Variants in CFAP91 observed in about 807,000 individuals in gnomAD.
CFAP91 encodes the protein cilia- and flagella-associated protein 91.
Under a neutral mutation model 95.9 loss-of-function variants are expected in CFAP91, and 85 were observed. That is an observed-to-expected ratio of 0.89 (90% confidence interval 0.74 to 1.06). The LOEUF is 1.06. Among genes scored for constraint, CFAP91 ranks in the 50% least tolerant of loss-of-function variants. The pLI, the probability that CFAP91 is intolerant of heterozygous loss-of-function variation, is 0.00. For missense variants in CFAP91, 962 were observed against 943.4 expected, an observed-to-expected ratio of 1.02 and a Z score of -0.26; for synonymous variants, 335 against 327.5, an observed-to-expected ratio of 1.02 and a Z score of -0.25.
Position 119,715,707 on chromosome 3 carries a change from A to G in CFAP91, c.646A>G (p.Ile216Val), listed in dbSNP as rs568392472. 8.1e-6 allele frequency: 13 copies of G among 1,614,124 alleles called. No individual in the cohort carries two copies. The highest frequency in any genetic ancestry group is 2.2e-5 in the South Asian group (2 of 91,076). ...AGAATATGTAGTATGTCAGGACTCA[A>G]TCCCTGAGCTCTTGACCCTGGCTAC... Reference protein sequence around the residue: ...SAEYVVCQDSIPELLTLATLT... With the variant: ...SAEYVVCQDSVPELLTLATLT... The change falls in exon 6 of 18, where the codon ATC becomes GTC. Residue 216 changes from isoleucine (I) to valine (V), a missense_variant. Physicochemically the swap from Ile to Val is conservative, Grantham distance 29. Coordinates refer to ENST00000273390, the MANE Select transcript of CFAP91 (RefSeq NM_033364.4).
Position 119,703,163 on chromosome 3 carries a change from G to A in CFAP91, c.65G>A (p.Arg22Gln), listed in dbSNP as rs748598993. ...AQPQVSQTRY[R>Q]ERSRAGSHIS... ...CCGCAGGTGTCTCAAACTCGGTACC[G>A]GGAGAGGTCGCGGGCTGGGAGCCAC... Residue 22 changes from arginine (R) to glutamine (Q), a missense_variant, in exon 1 of 18, where the codon CGG (arginine) becomes CAG (glutamine). Arg to Gln is a conservative substitution (Grantham distance 43, BLOSUM62 1). Transcript: ENST00000273390. The A allele has an allele frequency of 1.5e-5, 24 of 1,605,538 alleles. No individual in the cohort carries two copies. The highest frequency in any genetic ancestry group is 1.7e-4 in the Middle Eastern group (1 of 5,964).
intron 6 of CFAP91, among the ~76,000 whole-genome samples, chr3:119,722,753 A>G (rs543539347): frequency 2.7e-4 from 41 of 152,048 alleles, no homozygotes; most frequent in Admixed American, 7.9e-4. Flanking sequence ...CTCGGCCTCC[A>G]AAAGTGCTGG....
Position 119,730,034 on chromosome 3 carries a change from G to T in CFAP91, c.861-186G>T, listed in dbSNP as rs548596235. Among the ~76,000 whole-genome samples, 5 of 152,184 alleles carry T rather than the reference G, an allele frequency of 3.3e-5. No homozygotes were observed. In the South Asian group the frequency reaches 1.0e-3, roughly 32 times the overall value. Reference sequence around the variant, plus strand: ...CACCCATATATATTCCTATTATATAGAGAGTCTCTATTGAGTTGCCTCCCC... The same window carrying T: ...CACCCATATATATTCCTATTATATATAGAGTCTCTATTGAGTTGCCTCCCC... On this transcript the variant is annotated intron_variant, in intron 7 of 17. Transcript: ENST00000273390.
At chr3:119,728,476 G>T (rs1413510091) in intron 7 of CFAP91, among the ~76,000 whole-genome samples, 1 of 152,192 alleles carries the variant, frequency 6.6e-6, no homozygotes, top group African/African-American at 2.4e-5. Context: ...GCAACTTCAT[G>T]AAGAGGGTAC....
intron 8 of CFAP91, among the ~76,000 whole-genome samples, 169 bp downstream of exon 8, chr3:119,730,546 C>T (rs1166994669): frequency 6.6e-6 from 1 of 150,622 alleles, no homozygotes; most frequent in African/African-American, 2.5e-5. Flanking sequence ...GAGGAAATTC[C>T]CTTACTAAGA....
intron 17 of CFAP91, among the ~76,000 whole-genome samples, chr3:119,758,861 C>G (rs1266203944): frequency 1.3e-5 from 2 of 152,040 alleles, no homozygotes; most frequent in Non-Finnish European, 2.9e-5. Context: ...CATTTGCAAT[C>G]AATTTCAATG....
At chr3:119,727,972 A>AC (rs2053816795) in intron 7 of CFAP91, among the ~76,000 whole-genome samples, 1 of 151,942 alleles carries the variant, frequency 6.6e-6, no homozygotes, top group Admixed American at 6.6e-5. Context: ...GCCCCAGTGA[A>AC]CTATAAGGAG....
chr3:119,721,874 C>T (rs2053691497), intron 6 of CFAP91, among the ~76,000 whole-genome samples: 1 of 152,040 alleles, frequency 6.6e-6, no homozygotes, highest in South Asian at 2.1e-4. Flanking sequence ...AGAGAAATAT[C>T]CAATTAGAAA....
intron 7 of CFAP91, among the ~76,000 whole-genome samples, chr3:119,727,103 G>A (rs1180666030): frequency 6.6e-6 from 1 of 152,186 alleles, no homozygotes; most frequent in Admixed American, 6.5e-5. Context: ...CAAAGGAAGG[G>A]CGTTTGCTGA....
rs367681304 is a variant in CFAP91 at position 119,737,435 on chromosome 3, A to G, written c.1414A>G (p.Ile472Val). 113 of 1,611,718 alleles carry G rather than the reference A, an allele frequency of 7.0e-5. 1 individual carries two copies. Among genetic ancestry groups the G allele is most frequent in the East Asian group, 5.1e-4 (23 of 44,758 alleles). The change falls in exon 11 of 18, where the codon ATA (isoleucine) becomes GTA (valine). Residue 472 changes from isoleucine (I) to valine (V), a missense_variant. Coordinates refer to ENST00000273390, the MANE Select transcript of CFAP91 (RefSeq NM_033364.4). Reference sequence around the variant, plus strand: ...CCCTCGCTTCCTTCAAAGAAACCCAATACCTCAACCTCGGCTTCCAACTCC... The same window carrying G: ...CCCTCGCTTCCTTCAAAGAAACCCAGTACCTCAACCTCGGCTTCCAACTCC... ...KPPRFLQRNP[I>V]PQPRLPTPTL...
intron 6 of CFAP91, among the ~76,000 whole-genome samples, chr3:119,723,313 T>G (rs1409181276): frequency 6.6e-6 from 1 of 152,164 alleles, no homozygotes; most frequent in Non-Finnish European, 1.5e-5. Flanking sequence ...TATCCAGAAT[T>G]AAAAATAATC....
At chr3:119,723,479 T>C (rs2053724266) in intron 6 of CFAP91, among the ~76,000 whole-genome samples, 1 of 152,150 alleles carries the variant, frequency 6.6e-6, no homozygotes, top group Non-Finnish European at 1.5e-5. Context: ...TTTGAGAAGA[T>C]AGATAGCTTA....
chr3:119,729,650 A>T (rs1314951079), intron 7 of CFAP91, among the ~76,000 whole-genome samples: 3 of 152,154 alleles, frequency 2.0e-5, no homozygotes, highest in Non-Finnish European at 4.4e-5. Context: ...TCTCAAAAAA[A>T]AAAAAAGAAA....
chr3:119,748,676 T>A (rs1214618070), intron 16 of CFAP91, among the ~76,000 whole-genome samples: 1 of 152,212 alleles, frequency 6.6e-6, no homozygotes, highest in Non-Finnish European at 1.5e-5. Context: ...GGTGGAGTTC[T>A]AACACATTTG....
rs545045197 is a variant in CFAP91 at position 119,732,057 on chromosome 3, C to T, written c.1019-237C>T. 4.6e-5 allele frequency among the ~76,000 whole-genome samples: 7 copies of T among 152,246 alleles called. No individual in the cohort carries two copies. In the East Asian group the frequency reaches 7.7e-4, roughly 17 times the overall value. On this transcript the variant is annotated intron_variant, in intron 8 of 17. Coordinates refer to ENST00000273390, the MANE Select transcript of CFAP91 (RefSeq NM_033364.4). ...GTTATAAAAGATTTTTGACGAGTAC[C>T]GATTGAGGACACTAGCTGATTCTGC...
chr3:119,753,826 C>G (rs934013555), intron 17 of CFAP91, among the ~76,000 whole-genome samples: 1 of 152,222 alleles, frequency 6.6e-6, no homozygotes, highest in South Asian at 2.1e-4. Context: ...ACTCTTCCCC[C>G]CAAGTCCGCA....
At chr3:119,755,518 C>T (rs146630497) in intron 17 of CFAP91, among the ~76,000 whole-genome samples, 75 of 152,300 alleles carry the variant, frequency 4.9e-4, no homozygotes, top group African/African-American at 1.6e-3. Flanking sequence ...TCCTTTCTCC[C>T]TCTCTTCCTC....
At chr3:119,720,412 A>G (rs1479360974) in intron 6 of CFAP91, among the ~76,000 whole-genome samples, 3 of 120,452 alleles carry the variant, frequency 2.5e-5, no homozygotes, top group Non-Finnish European at 5.7e-5. Context: ...AAAAAAAAGA[A>G]AAGAAAACTT....
chr3:119,721,108 C>T (rs576007002), intron 6 of CFAP91, among the ~76,000 whole-genome samples: 10 of 152,298 alleles, frequency 6.6e-5, no homozygotes, highest in African/African-American at 1.7e-4. Flanking sequence ...AAATAAGATA[C>T]TAGCAATCTA....
Sources: gnomAD v4.1 joint callset for allele counts (sites outside exome capture counted in the v4.1 genomes callset) on GRCh38, gnomAD v4.1.1 for gene constraint, MANE v1.5 for transcripts, NCBI Gene and HGNC (gene_info 2026-07-23, HGNC 2026-07-21) for gene names.